MORC1: variants seen among roughly 807,000 people sequenced by gnomAD.
MORC1 encodes the protein MORC family CW-type zinc finger 1.
MORC1 carries 59 observed loss-of-function variants against 134.9 expected under a neutral mutation model. The ratio of observed to expected loss-of-function variants is 0.44; its 90% CI spans 0.35 to 0.54. The LOEUF is 0.54. Among genes scored for constraint, MORC1 ranks in the 20% least tolerant of loss-of-function variants. The pLI is 0.00. For synonymous variants in MORC1, 395 were observed against 391.7 expected (o/e 1.01, Z -0.10); for missense variants, 947 against 1,134.5 (o/e 0.83, Z 2.37).
intron 21 of MORC1, 83 bp downstream of exon 21, chr3:109,000,474 C>T: frequency 9.6e-7 from 1 of 1,036,904 alleles, no homozygotes; most frequent in Non-Finnish European, 1.4e-6. Context: ...AATGTTTCCA[C>T]TACTTTGAGA....
At chr3:109,011,226 A>T (rs1358503328) in intron 17 of MORC1, among the ~76,000 whole-genome samples, 1 of 152,032 alleles carries the variant, frequency 6.6e-6, no homozygotes, top group Non-Finnish European at 1.5e-5. Context: ...AAAAACAAAA[A>T]CCAAAACAAA....
At chr3:108,984,863 A>G in intron 22 of MORC1, 81 bp from the exon 23 acceptor site, 2 of 1,006,580 alleles carry the variant, frequency 2.0e-6, no homozygotes, top group Non-Finnish European at 1.5e-6. Flanking sequence ...GCAGTTCATT[A>G]ACTACCTCTG....
At chr3:108,978,078 C>T (rs1018511291) in intron 24 of MORC1, among the ~76,000 whole-genome samples, 13 of 152,056 alleles carry the variant, frequency 8.5e-5, no homozygotes, top group Non-Finnish European at 1.8e-4. Flanking sequence ...GGGGTTTCAC[C>T]GTGTTAGCCA....
chr3:109,002,021 A>T (rs1423185872), intron 20 of MORC1, among the ~76,000 whole-genome samples: 1 of 152,204 alleles, frequency 6.6e-6, no homozygotes, highest in Non-Finnish European at 1.5e-5. Flanking sequence ...CTCTATATCC[A>T]ATAAAGACTG....
chr3:109,033,548 G>A (rs1000464201), intron 15 of MORC1, among the ~76,000 whole-genome samples: 3 of 151,892 alleles, frequency 2.0e-5, no homozygotes, highest in Admixed American at 6.6e-5. Context: ...CTAACGGCTC[G>A]TAGGTTAACA....
intron 3 of MORC1, among the ~76,000 whole-genome samples, chr3:109,106,900 T>C (rs1051357525): frequency 6.6e-5 from 10 of 152,290 alleles, no homozygotes; most frequent in Non-Finnish European, 1.2e-4. Context: ...GGCTTCCCAA[T>C]GCTCTCAGGA....
At chr3:109,040,398 GAAAGA>G (rs1173271719) in intron 14 of MORC1, among the ~76,000 whole-genome samples, 24 of 41,424 alleles carry the variant, frequency 5.8e-4, no homozygotes, top group Middle Eastern at 0.014. Flanking sequence ...AAGAAAGAAA[GAAAGA>G]GAAGGAAGGA....
In MORC1 at chr3:109,005,209, A is replaced by T. The variant is rs755019604; in HGVS notation, c.1874T>A (p.Ile625Lys). The T allele has an allele frequency of 8.7e-6, 14 of 1,613,832 alleles. No individual in the cohort carries two copies. Among genetic ancestry groups the T allele is most frequent in the Non-Finnish European group, 8.5e-7 (1 of 1,179,934 alleles). ...SASRRGQKRN[I>K]EETDSDVEYI... ...CTCTACATCAGAGTCTGTCTCTTCT[A>T]TGTTTCTTTTCTGTCCTCTACGGCT... Residue 625 changes from isoleucine to lysine, a missense_variant, in exon 19 of 28, where the codon ATA (isoleucine) becomes AAA (lysine). Around this residue, in one of 3 missense-constraint regions of MORC1, gnomAD observed 722 missense variants for 817.0 expected, o/e 0.88. Transcript: ENST00000232603.
chr3:109,114,281 C>A, intron 2 of MORC1, 103 bp downstream of exon 2: 2 of 1,031,908 alleles, frequency 1.9e-6, no homozygotes, highest in East Asian at 2.8e-5. Flanking sequence ...CAAAACATTC[C>A]AGATGGGAAA....
chr3:109,109,766 G>A (rs1196682707), intron 3 of MORC1: 1 of 152,270 alleles, frequency 6.6e-6, no homozygotes, highest in Non-Finnish European at 1.5e-5. Context: ...CCTCCTAGGA[G>A]AGAGCTGCCT....
chr3:109,109,549 G>T (rs374732079), intron 3 of MORC1, among the ~76,000 whole-genome samples: 2 of 152,240 alleles, frequency 1.3e-5, no homozygotes, highest in East Asian at 3.9e-4. Context: ...CTTTCCCTGT[G>T]TTCCCACCAT....
chr3:109,105,198 C>T (rs992413730), intron 3 of MORC1, among the ~76,000 whole-genome samples: 1 of 152,028 alleles, frequency 6.6e-6, no homozygotes, highest in African/African-American at 2.4e-5. Flanking sequence ...GCCTGGCCAA[C>T]ATAGTGAGAC....
At chr3:109,022,352 G>A (rs570629223) in intron 17 of MORC1, among the ~76,000 whole-genome samples, 11 of 152,214 alleles carry the variant, frequency 7.2e-5, no homozygotes, top group African/African-American at 1.7e-4. Flanking sequence ...ACTCAGATAC[G>A]CCATTCAATC....
intron 14 of MORC1, among the ~76,000 whole-genome samples, chr3:109,048,394 G>A (rs184300167): frequency 1.3e-5 from 2 of 152,310 alleles, no homozygotes; most frequent in Non-Finnish European, 2.9e-5. Context: ...TACAGGGTCT[G>A]AGACTGCCTT....
At chr3:109,064,045 A>G (rs111638662) in intron 9 of MORC1, among the ~76,000 whole-genome samples, 1,902 of 152,282 alleles carry the variant, frequency 0.012, 37 homozygotes, top group African/African-American at 0.042. Context: ...GTGCTATGCA[A>G]TATATTTAAC....
rs1348360163 is a variant in MORC1, at chr3:109,069,857, C to T, written c.690-100G>A. 5 of 1,202,276 alleles carry T rather than the reference C, an allele frequency of 4.2e-6. No individual in the cohort carries two copies. The South Asian group carries it at 9.3e-5, about 22-fold the overall frequency. 74.5% of individuals were successfully genotyped at this position (1,202,276 alleles called of 1,614,324 possible). A position where few individuals can be genotyped will look rare whatever the true frequency, so the allele number is the denominator to read the frequency against. ...GACTATCAGGTTATTATTGTTACTA[C>T]AAGAAGCTTCAAGAACTTTTCTTCT... On this transcript the variant is annotated intron_variant, in intron 8 of 27. Coordinates refer to ENST00000232603, the MANE Select transcript of MORC1 (RefSeq NM_014429.4).
intron 5 of MORC1, among the ~76,000 whole-genome samples, chr3:109,099,711 G>A (rs1950891232): frequency 6.6e-6 from 1 of 151,932 alleles, no homozygotes; most frequent in African/African-American, 2.4e-5. Flanking sequence ...GGGCTCAAAA[G>A]AACAATCATC....
chr3:108,997,768 A>C (rs920515832), intron 21 of MORC1, among the ~76,000 whole-genome samples: 1 of 151,808 alleles, frequency 6.6e-6, no homozygotes, highest in African/African-American at 2.4e-5. Context: ...TTTTTTTTTC[A>C]TTTCACTAGA....
chr3:109,002,119 T>C (rs569252752), intron 20 of MORC1, among the ~76,000 whole-genome samples: 2 of 152,312 alleles, frequency 1.3e-5, no homozygotes, highest in South Asian at 2.1e-4. Flanking sequence ...TGGTCAAGTC[T>C]CCTAACTGCT....
Sources: gnomAD v4.1 joint callset for allele counts (sites outside exome capture counted in the v4.1 genomes callset) on GRCh38, gnomAD v4.1.1 for gene constraint, gnomAD v4.1.1 regional missense constraint, MANE v1.5 for transcripts, NCBI Gene and HGNC (gene_info 2026-07-23, HGNC 2026-07-21) for gene names.